Variants in CPSF4 observed in about 807,000 individuals in gnomAD.
CPSF4 encodes cleavage and polyadenylation specificity factor subunit 4.
In CPSF4, 11 loss-of-function variants were observed where a neutral mutation model predicts 37.7. The observed-to-expected ratio is 0.29, with a 90% CI of 0.18 to 0.48. The LOEUF is 0.48. CPSF4 is among the 20% of genes least tolerant of loss of function. The probability of loss-of-function intolerance (pLI) is 0.99; values close to 1 mark genes in which losing one functional copy is unlikely to be tolerated. For synonymous variants in CPSF4, 132 were observed against 135.9 expected, an observed-to-expected ratio of 0.97 and a Z score of 0.20; for missense variants, 144 against 359.5, an observed-to-expected ratio of 0.40 and a Z score of 4.85.
In CPSF4 at chr7:99,448,048, A is replaced by G; in HGVS notation, c.155-73A>G. ...AGGAGTTAGGAAGTGAAGGTACCTC[A>G]GCTTCTTCAGGCCGTGTCCCCCAGG... On this transcript the variant is annotated intron_variant, in intron 2 of 7. Coordinates refer to ENST00000292476, the MANE Select transcript of CPSF4 (RefSeq NM_006693.4). The surrounding 1 kb of genome is among the most constrained non-coding windows in gnomAD (Gnocchi z 4.4). The G allele has an allele frequency of 6.6e-7, 1 of 1,514,746 alleles. No homozygotes were observed. Among genetic ancestry groups the G allele is most frequent in the Non-Finnish European group, 9.0e-7 (1 of 1,106,082 alleles). 93.8% of individuals were successfully genotyped at this position (1,514,746 alleles called of 1,614,324 possible).
In CPSF4 at chr7:99,448,413, C is replaced by A; in HGVS notation, c.307+140C>A. ...GGAGAACTCTGGCAGAACCTGCCAG[C>A]CTCAGCCAGCTTTTAGGGGACAGTG... On this transcript the variant is annotated intron_variant, in intron 3 of 7. Transcript: ENST00000292476. This position sits in a 1 kb window ranked among gnomAD's most constrained non-coding sequence, Gnocchi z 4.4. 2.3e-6 allele frequency: 2 copies of A among 851,304 alleles called. No homozygotes were observed. The highest frequency in any genetic ancestry group is 3.5e-6 in the Non-Finnish European group (2 of 576,996). 52.7% of individuals were successfully genotyped at this position (851,304 alleles called of 1,614,324 possible). A position where few individuals can be genotyped will look rare whatever the true frequency, so the allele number is the denominator to read the frequency against.
At position 99,448,458 on chromosome 7, in the gene CPSF4, T is replaced by A; in HGVS notation, c.307+185T>A. 13 of 477,416 alleles carry A rather than the reference T, an allele frequency of 2.7e-5. No homozygotes were observed. The highest frequency in any genetic ancestry group is 7.7e-5 in the East Asian group (2 of 26,070). The allele number at this position is 477,416 out of a possible 1,614,324, so 29.6% of individuals were successfully genotyped here. On this transcript the variant is annotated intron_variant, in intron 3 of 7. Transcript: ENST00000292476. The surrounding 1 kb of genome is among the most constrained non-coding windows in gnomAD (Gnocchi z 4.4). Reference sequence around the variant, plus strand: ...ACAGTGTGGCTATTTTCTGCTCATCTCTTTTTTTTTTTTTTTTTTTTTAAA... The same window carrying A: ...ACAGTGTGGCTATTTTCTGCTCATCACTTTTTTTTTTTTTTTTTTTTTAAA...
chr7:99,443,350 C>T, intron 1 of CPSF4: 1 of 1,105,862 alleles, frequency 9.0e-7, no homozygotes, highest in Non-Finnish European at 1.4e-6. Context: ...TCTTCATTTG[C>T]CTCCTCTTCA....
chr7:99,443,916 C>T (rs1797252103), intron 1 of CPSF4, among the ~76,000 whole-genome samples: 2 of 151,756 alleles, frequency 1.3e-5, no homozygotes, highest in Non-Finnish European at 2.9e-5. Flanking sequence ...GAGACTCTGT[C>T]TCAAAAAAAT....
In CPSF4 at chr7:99,452,428, G is replaced by T; in HGVS notation, c.558G>T (p.Gln186His). 6.2e-7 allele frequency: 1 copy of T among 1,613,954 alleles called. No individual in the cohort carries two copies. Among genetic ancestry groups the T allele is most frequent in the Non-Finnish European group, 8.5e-7 (1 of 1,179,950 alleles). Reference protein sequence around the residue: ...TEQPPLPQQTQPPAKQSNNPP... With the variant: ...TEQPPLPQQTHPPAKQSNNPP... ...AGCCCCCACTGCCGCAGCAGACACA[G>T]CCTCCAGCAAAGGTACCGTGCCTGG... Residue 186 changes from glutamine (Q) to histidine (H), a missense_variant, in exon 6 of 8, where the codon CAG becomes CAT. By Grantham distance (24) the Gln-to-His change is conservative. This residue lies in a region of CPSF4 where 86 missense variants were observed against 141.5 expected (regional missense o/e 0.61). Coordinates refer to ENST00000292476, the MANE Select transcript of CPSF4 (RefSeq NM_006693.4).
intron 6 of CPSF4, 46 bp downstream of exon 6, chr7:99,452,486 C>A: frequency 6.5e-7 from 1 of 1,536,462 alleles, no homozygotes; most frequent in Non-Finnish European, 9.0e-7. Context: ...GCCTTTTCTA[C>A]AGCGAGAACC....
chr7:99,454,223 G>GA (rs1329875280), intron 7 of CPSF4, 87 bp downstream of exon 7: 25 of 1,229,606 alleles, frequency 2.0e-5, no homozygotes, highest in Non-Finnish European at 2.5e-5. Context: ...GGTGAAATGA[G>GA]AAAAATGAAA....
At chr7:99,439,517 C>G (rs1796689582) in intron 1 of CPSF4, 1 of 267,998 alleles carries the variant, frequency 3.7e-6, no homozygotes, top group African/African-American at 2.2e-5. Flanking sequence ...CCATTTCCAC[C>G]GTCTGGGGAC....
At chr7:99,455,684 C>T (rs904361722) in intron 7 of CPSF4, among the ~76,000 whole-genome samples, 8 of 152,110 alleles carry the variant, frequency 5.3e-5, no homozygotes, top group Admixed American at 2.0e-4. Flanking sequence ...TTGAGGCTGC[C>T]GTTTTAGGAG....
chr7:99,441,618 T>TGGA (rs1327862736), intron 1 of CPSF4: 59 of 434,886 alleles, frequency 1.4e-4, no homozygotes, highest in Admixed American at 4.8e-5. Context: ...TGAGACTCAG[T>TGGA]TCCCAGAACT....
chr7:99,439,323 C>T, intron 1 of CPSF4, 138 bp downstream of exon 1: 1 of 601,360 alleles, frequency 1.7e-6, no homozygotes. Context: ...CCCCTTTGGT[C>T]GCAGGACTCC....
chr7:99,442,987 T>A, intron 1 of CPSF4: 1 of 1,580,936 alleles, frequency 6.3e-7, no homozygotes, highest in African/African-American at 1.3e-5. Context: ...CGCTCCTTCC[T>A]CTTTTTCAGT....
intron 5 of CPSF4, 68 bp from the exon 6 acceptor site, chr7:99,452,300 G>C: frequency 3.0e-6 from 4 of 1,316,178 alleles, no homozygotes; most frequent in Non-Finnish European, 4.4e-6. Flanking sequence ...GCATGGCCTG[G>C]CTTCTCTTCT....
intron 7 of CPSF4, among the ~76,000 whole-genome samples, chr7:99,455,379 G>A (rs1798238168): frequency 6.6e-6 from 1 of 152,156 alleles, no homozygotes; most frequent in African/African-American, 2.4e-5. Flanking sequence ...TCCATACAGA[G>A]TCACACCTGC....
At chr7:99,451,691 G>C (rs45536437) in intron 5 of CPSF4, among the ~76,000 whole-genome samples, 1 of 152,234 alleles carries the variant, frequency 6.6e-6, no homozygotes, top group Non-Finnish European at 1.5e-5. Context: ...CACCCCTCTT[G>C]TGGCTCCATT....
rs540326357 is a variant in CPSF4 at position 99,456,562 on chromosome 7, T to C, written c.*62T>C. On this transcript the variant is annotated 3_prime_UTR_variant, in exon 8 of 8. Transcript: ENST00000292476. ...CCGCTGTTGGGAGTGTGCATTTAACTGTTTCATGCGCTTGTTGGCGCGACT... is the reference window on the plus strand; with the variant it reads ...CCGCTGTTGGGAGTGTGCATTTAACCGTTTCATGCGCTTGTTGGCGCGACT... The C allele has an allele frequency of 1.8e-5, 25 of 1,409,612 alleles. No individual in the cohort carries two copies. In the East Asian group the frequency reaches 2.3e-4, roughly 13 times the overall value. 87.3% of individuals were successfully genotyped at this position (1,409,612 alleles called of 1,614,324 possible).
At chr7:99,452,568 A>G (rs1026179305) in intron 6 of CPSF4, 128 bp downstream of exon 6, 6 of 804,422 alleles carry the variant, frequency 7.5e-6, no homozygotes, top group Non-Finnish European at 2.1e-6. Context: ...GAGTCTCCCA[A>G]GTTCCCGAAG....
intron 1 of CPSF4, chr7:99,441,287 A>G (rs1257111483): frequency 9.8e-6 from 4 of 407,042 alleles, no homozygotes; most frequent in Non-Finnish European, 1.5e-5. Flanking sequence ...GCTTGAGACC[A>G]TGGAACCACC....
intron 1 of CPSF4, 23 bp from the exon 2 acceptor site, chr7:99,444,766 C>A: frequency 6.2e-7 from 1 of 1,610,946 alleles, no homozygotes; most frequent in South Asian, 1.1e-5. Context: ...TTTGATTCCT[C>A]TCCTTTTCTC....
Sources: allele counts gnomAD v4.1 joint callset (sites outside exome capture counted in the v4.1 genomes callset), GRCh38; gene constraint gnomAD v4.1.1; regional missense constraint gnomAD v4.1.1; non-coding constraint Gnocchi (gnomAD v3.1); transcripts MANE v1.5; gene names NCBI Gene and HGNC (gene_info 2026-07-23, HGNC 2026-07-21).